PYGM: variants seen among roughly 807,000 people sequenced by gnomAD.
The protein encoded by PYGM is glycogen phosphorylase, muscle form.
Under a neutral mutation model 99.3 loss-of-function variants are expected in PYGM, and 81 were observed. The ratio of observed to expected loss-of-function variants is 0.82; its 90% CI spans 0.68 to 0.98. The LOEUF (loss-of-function observed/expected upper bound fraction) is 0.98, where lower values mean the gene tolerates loss of function less well. PYGM is among the 50% of genes least tolerant of loss of function. PYGM has a pLI of 0.00. For synonymous variants in PYGM, 436 were observed against 451.5 expected (o/e 0.97, Z 0.44); for missense variants, 1,030 against 1,158.1 (o/e 0.89, Z 1.61).
chr11:64,759,577 G>A lies in PYGM; in HGVS notation c.243+79C>T, dbSNP rs1375474863. On this transcript the variant is annotated intron_variant, in intron 1 of 19. Coordinates refer to ENST00000164139, the MANE Select transcript of PYGM (RefSeq NM_005609.4). ...CCCCAAGAACCTAGAGTGACGAGGG[G>A]CAGCCACTTAAGTCAAGATCGCCAG... is the stretch of plus-strand genomic sequence containing the variant. 1.9e-6 allele frequency: 3 copies of A among 1,593,004 alleles called. No individual in the cohort carries two copies. The Admixed American group carries it at 5.0e-5, about 27-fold the overall frequency.
In PYGM at chr11:64,758,316, A is replaced by C. The variant is rs2135840127; in HGVS notation, c.458T>G (p.Leu153Arg). 6.2e-7 allele frequency: 1 copy of C among 1,614,096 alleles called. No homozygotes were observed. The highest frequency in any genetic ancestry group is 1.6e-4 in the Middle Eastern group (1 of 6,062). ...CFLDSMATLG[L>R]AAYGYGIRYE... ...GCGAATCCCGTAGCCATAGGCGGCC[A>C]GGCCCAGTGTTGCCATGGAGTCAAG... Residue 153 changes from leucine to arginine, a missense_variant, in exon 4 of 20, where the codon CTG (leucine) becomes CGG (arginine). Coordinates refer to ENST00000164139, the MANE Select transcript of PYGM (RefSeq NM_005609.4).
intron 16 of PYGM, chr11:64,751,080 C>T (rs1003317651): frequency 4.4e-5 from 22 of 498,238 alleles, no homozygotes; most frequent in Non-Finnish European, 7.3e-5. Context: ...TTAGTAGAGA[C>T]GGGGTTTCAC....
Position 64,754,522 on chromosome 11 carries a change from G to T in PYGM, c.999+171C>A. ...AATGGGGGGAGTGGGGCGGGAGGAG[G>T]AGGGAAGCCCAGGTTCTGAGCCTGT... On this transcript the variant is annotated intron_variant, in intron 8 of 19. Transcript: ENST00000164139. This position sits in a 1 kb window ranked among gnomAD's most constrained non-coding sequence, Gnocchi z 5.5. 9.4e-7 allele frequency: 1 copy of T among 1,066,086 alleles called. No homozygotes were observed. The highest frequency in any genetic ancestry group is 1.4e-6 in the Non-Finnish European group (1 of 733,398). 66.0% of individuals were successfully genotyped at this position (1,066,086 alleles called of 1,614,324 possible).
chr11:64,752,474 C>G lies in PYGM; in HGVS notation c.1549G>C (p.Asp517His), dbSNP rs201777190. 5.6e-6 allele frequency: 9 copies of G among 1,614,086 alleles called. No individual in the cohort carries two copies. Among genetic ancestry groups the G allele is most frequent in the Non-Finnish European group, 7.6e-6 (9 of 1,180,022 alleles). Residue 517 changes from aspartate to histidine, a missense_variant, in exon 13 of 20, where the codon GAC becomes CAC. Asp to His is a moderately conservative substitution (Grantham distance 81). Transcript: ENST00000164139. ...RIGEDFISDL[D>H]QLRKLLSFVD... ...AAGGAGAGCAGTTTGCGCAGCTGGTCCAGGTCAGAGATGAAGTCCTCCCCG... is the reference window on the plus strand; with the variant it reads ...AAGGAGAGCAGTTTGCGCAGCTGGTGCAGGTCAGAGATGAAGTCCTCCCCG...
intron 14 of PYGM, 132 bp downstream of exon 14, chr11:64,751,792 C>G (rs1565534100): frequency 6.6e-7 from 1 of 1,521,844 alleles, no homozygotes; most frequent in East Asian, 2.3e-5. Context: ...GTTTGCCCAT[C>G]TGTGAAATGG....
chr11:64,754,060 T>G lies in PYGM; in HGVS notation c.1093-35A>C. 6.3e-7 allele frequency: 1 copy of G among 1,595,980 alleles called. No individual in the cohort carries two copies. The highest frequency in any genetic ancestry group is 8.5e-7 in the Non-Finnish European group (1 of 1,171,360). On this transcript the variant is annotated intron_variant, in intron 9 of 19. Coordinates refer to ENST00000164139, the MANE Select transcript of PYGM (RefSeq NM_005609.4). This position sits in a 1 kb window ranked among gnomAD's most constrained non-coding sequence, Gnocchi z 5.5. ...GGGGTGGGCAGTCAGGATGCTGACC[T>G]CAGCCCAGTGGGTCTCCTCACACAC...
Position 64,746,458 on chromosome 11 carries a change from G to A in PYGM, c.*201C>T. The A allele has an allele frequency of 8.8e-6, 6 of 682,944 alleles. No individual in the cohort carries two copies. Among genetic ancestry groups the A allele is most frequent in the Non-Finnish European group, 1.5e-5 (6 of 402,746 alleles). 42.3% of individuals were successfully genotyped at this position (682,944 alleles called of 1,614,324 possible). A position where few individuals can be genotyped will look rare whatever the true frequency, so the allele number is the denominator to read the frequency against. ...AGTTGGTCAGACCCCATAAATAGGA[G>A]GGGACCGGGAGCCCGAGGACGGAAG... On this transcript the variant is annotated 3_prime_UTR_variant, in exon 20 of 20. Transcript: ENST00000164139.
chr11:64,752,192 A>G, intron 13 of PYGM, 121 bp from the exon 14 acceptor site: 1 of 1,429,360 alleles, frequency 7.0e-7, no homozygotes, highest in South Asian at 1.2e-5. Flanking sequence ...ACTTCTGTCC[A>G]CTCCTGTACC....
chr11:64,752,545 C>T (rs773121920), intron 12 of PYGM, 41 bp from the exon 13 acceptor site: 1 of 1,563,062 alleles, frequency 6.4e-7, no homozygotes, highest in Non-Finnish European at 8.8e-7. Flanking sequence ...TCCCCATGTC[C>T]TCCCTCCTCC....
rs886298101 is a variant in PYGM, at chr11:64,754,595, C to A, written c.999+98G>T. 4 of 1,505,534 alleles carry A rather than the reference C, an allele frequency of 2.7e-6. No individual in the cohort carries two copies. In the Admixed American group the frequency reaches 7.6e-5, roughly 28 times the overall value. 93.3% of individuals were successfully genotyped at this position (1,505,534 alleles called of 1,614,324 possible). The stretch of plus-strand genomic sequence containing the variant: ...GACCCTCCCACACTCCCAGTCTCCA[C>A]TCCCTTATCTATTACATGGGGCAGG... On this transcript the variant is annotated intron_variant, in intron 8 of 19. Transcript: ENST00000164139. This position sits in a 1 kb window ranked among gnomAD's most constrained non-coding sequence, Gnocchi z 5.5.
chr11:64,753,840 C>A, intron 10 of PYGM, 39 bp downstream of exon 10: 1 of 1,551,070 alleles, frequency 6.4e-7, no homozygotes, highest in South Asian at 1.2e-5. Flanking sequence ...TGGGTGTCCC[C>A]CCTCACCCCC....
chr11:64,755,435 G>A lies in PYGM; in HGVS notation c.772+12C>T. The A allele has an allele frequency of 6.2e-7, 1 of 1,613,450 alleles. No homozygotes were observed. The highest frequency in any genetic ancestry group is 2.2e-5 in the East Asian group (1 of 44,882). ...CAAGCTGGGGTTGCTGGCTACCAGT[G>A]GATGAACTCACAGTCCTTGAGGTTG... is the stretch of plus-strand genomic sequence containing the variant. On this transcript the variant is annotated intron_variant, in intron 6 of 19. Transcript: ENST00000164139. The surrounding 1 kb of genome is among the most constrained non-coding windows in gnomAD (Gnocchi z 4.1).
In PYGM at chr11:64,754,873, G is replaced by C. The variant is rs200768330; in HGVS notation, c.856-37C>G. 1.9e-6 allele frequency: 3 copies of C among 1,611,212 alleles called. No individual in the cohort carries two copies. The highest frequency in any genetic ancestry group is 2.2e-5 in the East Asian group (1 of 44,868). On this transcript the variant is annotated intron_variant, in intron 7 of 19. Coordinates refer to ENST00000164139, the MANE Select transcript of PYGM (RefSeq NM_005609.4). This position sits in a 1 kb window ranked among gnomAD's most constrained non-coding sequence, Gnocchi z 5.5. The stretch of plus-strand genomic sequence containing the variant: ...ATGAGGCAGCGTGAGTCAGGGCGGT[G>C]GGGGCATGGCCTAAAGCTGCGGTGG...
At chr11:64,747,058 A>T (rs2058316838) in intron 18 of PYGM, 71 bp from the exon 19 acceptor site, 15 of 1,585,406 alleles carry the variant, frequency 9.5e-6, no homozygotes, top group Non-Finnish European at 1.3e-5. Flanking sequence ...GTCAAGGGCC[A>T]AGCCTGCCCT....
chr11:64,750,116 A>G (rs985891167), intron 17 of PYGM, among the ~76,000 whole-genome samples: 6 of 151,928 alleles, frequency 3.9e-5, no homozygotes, highest in Non-Finnish European at 7.4e-5. Context: ...TTTTACTTCC[A>G]TTTCCCAAAC....
rs750885213 is a variant in PYGM, at chr11:64,752,383, C to T, written c.1620+20G>A. ...CGCTCTCCACACAGCACAGCTGTCCCACATTGCATCTCTCCCCACCTGCTT... is the reference window on the plus strand; with the variant it reads ...CGCTCTCCACACAGCACAGCTGTCCTACATTGCATCTCTCCCCACCTGCTT... On this transcript the variant is annotated intron_variant, in intron 13 of 19. Coordinates refer to ENST00000164139, the MANE Select transcript of PYGM (RefSeq NM_005609.4). The T allele has an allele frequency of 1.2e-6, 2 of 1,609,258 alleles. No individual in the cohort carries two copies. Among genetic ancestry groups the T allele is most frequent in the Non-Finnish European group, 1.7e-6 (2 of 1,175,488 alleles).
Position 64,755,568 on chromosome 11 carries a change from G to T in PYGM, c.661-10C>A. 1.2e-6 allele frequency: 2 copies of T among 1,610,242 alleles called. No homozygotes were observed. Among genetic ancestry groups the T allele is most frequent in the Non-Finnish European group, 1.7e-6 (2 of 1,176,816 alleles). ...GCATGGCCAGTACCACCTGCGGGGG[G>T]CAATCCTGTCAGGAGCTGGCCAGCC... On this transcript the variant is annotated splice_polypyrimidine_tract_variant and intron_variant, in intron 5 of 19. Coordinates refer to ENST00000164139, the MANE Select transcript of PYGM (RefSeq NM_005609.4). The surrounding 1 kb of genome is among the most constrained non-coding windows in gnomAD (Gnocchi z 4.1).
chr11:64,751,048 C>A (rs2071320), intron 16 of PYGM: 1 of 437,258 alleles, frequency 2.3e-6, no homozygotes, highest in Non-Finnish European at 4.3e-6. Flanking sequence ...CCTGCCATCA[C>A]GCCCAGCTAA....
rs769805782 is a variant in PYGM at position 64,753,538 on chromosome 11, C to G, written c.1384G>C (p.Glu462Gln). Residue 462 changes from glutamate (E) to glutamine (Q), a missense_variant, in exon 11 of 20, where the codon GAG becomes CAG. By Grantham distance (29) the Glu-to-Gln change is conservative. Coordinates refer to ENST00000164139, the MANE Select transcript of PYGM (RefSeq NM_005609.4). Reference sequence around the variant, plus strand: ...GCTCACATGGTCTTCTTGAGGATCTCGGAGTGGATGCGCGCCACGCCGTTG... The same window carrying G: ...GCTCACATGGTCTTCTTGAGGATCTGGGAGTGGATGCGCGCCACGCCGTTG... The part of the protein sequence containing the change: ...AVNGVARIHS[E>Q]ILKKTIFKDF... 1.3e-6 allele frequency: 2 copies of G among 1,595,956 alleles called. No homozygotes were observed. The highest frequency in any genetic ancestry group is 1.7e-5 in the Admixed American group (1 of 58,520).
Sources: allele counts gnomAD v4.1 joint callset (sites outside exome capture counted in the v4.1 genomes callset), GRCh38; gene constraint gnomAD v4.1.1; non-coding constraint Gnocchi (gnomAD v3.1); transcripts MANE v1.5; gene names NCBI Gene and HGNC (gene_info 2026-07-23, HGNC 2026-07-21).